The following GPC5 variants were observed in gnomAD, a reference collection of about 807,000 sequenced individuals.
GPC5 encodes glypican 5, also known as glypican-5.
Under a neutral mutation model 53.9 loss-of-function variants are expected in GPC5, and 47 were observed. The ratio of observed to expected loss-of-function variants is 0.87; its 90% CI spans 0.69 to 1.11. GPC5 has a LOEUF of 1.11. Among genes scored for constraint, GPC5 ranks in the 50% most tolerant of loss-of-function variants. The pLI is 0.00. For synonymous variants in GPC5, 286 were observed against 263.3 expected (o/e 1.09, Z -0.84); for missense variants, 748 against 713.1 (o/e 1.05, Z -0.56).
intron 6 of GPC5, among the ~76,000 whole-genome samples, chr13:91,977,839 C>T (rs1055129712): frequency 6.6e-6 from 1 of 151,826 alleles, no homozygotes; most frequent in Non-Finnish European, 1.5e-5. Flanking sequence ...GCGCTAGGTG[C>T]AATGGATCAT....
chr13:92,519,302 C>T (rs1329738006), intron 7 of GPC5, among the ~76,000 whole-genome samples: 1 of 152,198 alleles, frequency 6.6e-6, no homozygotes, highest in African/African-American at 2.4e-5. Flanking sequence ...CAGAACTCTC[C>T]ACCCCAAATC....
chr13:92,205,965 A>G (rs1038747738), intron 7 of GPC5, among the ~76,000 whole-genome samples: 3 of 150,288 alleles, frequency 2.0e-5, no homozygotes, highest in African/African-American at 7.3e-5. Flanking sequence ...TCGCTGGAAC[A>G]CAAGAGGTGG....
At chr13:91,669,418 GTT>G (rs1594405506) in intron 2 of GPC5, among the ~76,000 whole-genome samples, 1 of 152,188 alleles carries the variant, frequency 6.6e-6, no homozygotes, top group East Asian at 1.9e-4. Flanking sequence ...ATTGCTAAGG[GTT>G]GATCAGGGGA....
At chr13:92,647,805 G>T (rs147900597) in intron 7 of GPC5, among the ~76,000 whole-genome samples, 4 of 151,972 alleles carry the variant, frequency 2.6e-5, no homozygotes, top group African/African-American at 9.7e-5. Flanking sequence ...AATTTAAGTA[G>T]AATATATGAT....
intron 5 of GPC5, among the ~76,000 whole-genome samples, chr13:91,826,850 T>C (rs1185197478): frequency 1.3e-5 from 2 of 151,994 alleles, no homozygotes; most frequent in African/African-American, 4.8e-5. Context: ...TGTCACACCA[T>C]ACAAATCAAT....
chr13:92,585,258 AG>A (rs531193410), intron 7 of GPC5, among the ~76,000 whole-genome samples: 148 of 152,300 alleles, frequency 9.7e-4, no homozygotes, highest in African/African-American at 3.5e-3. Context: ...TACCCAGCAA[AG>A]CCACAGGGGT....
At chr13:92,347,136 G>A (rs1237545131) in intron 7 of GPC5, among the ~76,000 whole-genome samples, 1 of 151,750 alleles carries the variant, frequency 6.6e-6, no homozygotes, top group Non-Finnish European at 1.5e-5. Context: ...AAAGAAATAA[G>A]GGCTAAAAAA....
intron 5 of GPC5, among the ~76,000 whole-genome samples, chr13:91,889,920 G>A (rs531476901): frequency 6.6e-6 from 1 of 152,188 alleles, no homozygotes; most frequent in East Asian, 1.9e-4. Context: ...TAGGTGCAAG[G>A]TGTCAACCTA....
intron 3 of GPC5, among the ~76,000 whole-genome samples, chr13:91,718,099 T>TTTGTTGTTGTTGTTGTTGTTG (rs200812685): frequency 6.6e-6 from 1 of 151,236 alleles, no homozygotes. Flanking sequence ...TCCCCTAATC[T>TTTGTTGTTGTTGTTGTTGTTG]TTGTTGTTGT....
Position 92,539,351 on chromosome 13 carries a change from A to G in GPC5, c.1562-326931A>G, listed in dbSNP as rs186411665. ...GCATCTGTTGTTTCCTGACTTTTTA[A>G]TGATCGCCACTCTAACTGGTTGAGA... On this transcript the variant is annotated intron_variant, in intron 7 of 7. Transcript: ENST00000377067. 7.2e-5 allele frequency among the ~76,000 whole-genome samples: 11 copies of G among 152,078 alleles called. No homozygotes were observed. The South Asian group carries it at 2.3e-3, about 31-fold the overall frequency.
At chr13:92,623,511 A>G (rs900282912) in intron 7 of GPC5, among the ~76,000 whole-genome samples, 2 of 152,200 alleles carry the variant, frequency 1.3e-5, no homozygotes, top group Non-Finnish European at 2.9e-5. Flanking sequence ...ATTTTTAGAT[A>G]ACAAGTAATT....
intron 6 of GPC5, among the ~76,000 whole-genome samples, chr13:91,962,416 A>T (rs1339277348): frequency 1.3e-5 from 2 of 152,156 alleles, no homozygotes; most frequent in Non-Finnish European, 2.9e-5. Context: ...TAGTCACAAC[A>T]TAGAAATTAA....
intron 7 of GPC5, among the ~76,000 whole-genome samples, chr13:92,724,559 C>T (rs1011938490): frequency 4.6e-5 from 7 of 151,456 alleles, no homozygotes; most frequent in Non-Finnish European, 1.0e-4. Flanking sequence ...TTGTCATTTG[C>T]AACAACATAC....
At chr13:92,273,976 G>A (rs1401668478) in intron 7 of GPC5, among the ~76,000 whole-genome samples, 1 of 152,110 alleles carries the variant, frequency 6.6e-6, no homozygotes, top group East Asian at 1.9e-4. Flanking sequence ...AACTATACAA[G>A]AGTATGCTCT....
At chr13:92,163,237 G>A (rs1340493630) in intron 7 of GPC5, among the ~76,000 whole-genome samples, 20 of 152,040 alleles carry the variant, frequency 1.3e-4, no homozygotes, top group African/African-American at 3.9e-4. Context: ...CGAGGTGGGC[G>A]GATCACCTGA....
In GPC5 at chr13:91,837,964, C is replaced by G. The variant is rs1228976091; in HGVS notation, c.1281-69973C>G. Among the ~76,000 whole-genome samples the G allele has an allele frequency of 2.6e-5, 4 of 152,062 alleles. No homozygotes were observed. The South Asian group carries it at 8.3e-4, about 31-fold the overall frequency. ...AGCTGAAGATGAGGCCTTTGAATCA[C>G]TGAAGCAGAGCAGCAGATGTCGTAG... On this transcript the variant is annotated intron_variant, in intron 5 of 7. Coordinates refer to ENST00000377067, the MANE Select transcript of GPC5 (RefSeq NM_004466.6).
chr13:92,220,959 G>A (rs1425647790), intron 7 of GPC5, among the ~76,000 whole-genome samples: 3 of 152,120 alleles, frequency 2.0e-5, no homozygotes, highest in Non-Finnish European at 2.9e-5. Context: ...TGGAGGTTGT[G>A]TATTTCCCCA....
At chr13:92,636,731 C>G (rs538030677) in intron 7 of GPC5, among the ~76,000 whole-genome samples, 5 of 152,248 alleles carry the variant, frequency 3.3e-5, no homozygotes, top group African/African-American at 1.2e-4. Flanking sequence ...CCTTCACTTC[C>G]AAGTTCCTAC....
intron 6 of GPC5, among the ~76,000 whole-genome samples, chr13:91,921,151 G>T (rs1228792026): frequency 1.3e-5 from 2 of 151,784 alleles, no homozygotes; most frequent in African/African-American, 2.4e-5. Context: ...TGGCCAGGCT[G>T]GTCTCCAACT....
Sources: allele counts gnomAD v4.1 joint callset (sites outside exome capture counted in the v4.1 genomes callset), GRCh38; gene constraint gnomAD v4.1.1; transcripts MANE v1.5; gene names NCBI Gene and HGNC (gene_info 2026-07-23, HGNC 2026-07-21).